The following PKN2 variants were observed in gnomAD, a reference collection of about 807,000 sequenced individuals.
PKN2 encodes serine/threonine-protein kinase N2.
Under a neutral mutation model 119.1 loss-of-function variants are expected in PKN2, and 38 were observed. That is an observed-to-expected ratio of 0.32 (90% CI 0.25 to 0.42). PKN2 has a LOEUF of 0.42. Ranked by LOEUF, PKN2 falls within the 10% of genes least tolerant of loss-of-function variation. The pLI is 1.00. For synonymous variants in PKN2, 390 were observed against 384.9 expected (o/e 1.01, Z -0.15); for missense variants, 850 against 1,165.1 (o/e 0.73, Z 3.94).
intron 6 of PKN2, among the ~76,000 whole-genome samples, chr1:88,778,120 C>T (rs1258310057): frequency 6.6e-6 from 1 of 152,216 alleles, no homozygotes; most frequent in Non-Finnish European, 1.5e-5. Context: ...GTACCTTTTA[C>T]ATGTATTGAT....
intron 1 of PKN2, among the ~76,000 whole-genome samples, chr1:88,705,494 A>G (rs1666940957): frequency 6.6e-6 from 1 of 151,732 alleles, no homozygotes; most frequent in African/African-American, 2.4e-5. Flanking sequence ...GGAGATCGAG[A>G]CCATCCTGCT....
intron 1 of PKN2, among the ~76,000 whole-genome samples, chr1:88,699,843 C>T (rs927168755): frequency 6.6e-5 from 10 of 151,708 alleles, no homozygotes; most frequent in African/African-American, 2.2e-4. Context: ...AATGCAGTGG[C>T]GCAATCTTTG....
intron 7 of PKN2, among the ~76,000 whole-genome samples, 168 bp from the exon 8 acceptor site, chr1:88,785,936 A>T (rs66686865): frequency 6.6e-6 from 1 of 152,178 alleles, no homozygotes. Flanking sequence ...TAGTAGGAGT[A>T]TATGTATCTG....
At chr1:88,695,529 AC>A (rs1399982548) in intron 1 of PKN2, among the ~76,000 whole-genome samples, 5 of 152,010 alleles carry the variant, frequency 3.3e-5, no homozygotes, top group Admixed American at 2.6e-4. Context: ...TGTGGCTCAA[AC>A]TTTTTATGTT....
rs1671609385 is a variant in PKN2 at position 88,807,774 on chromosome 1, A to G, written c.2101A>G (p.Ser701Gly). Residue 701 changes from serine (S) to glycine (G), a missense_variant and splice_region_variant, in exon 15 of 22, where the codon AGC (serine) becomes GGC (glycine). Physicochemically the swap from Ser to Gly is moderately conservative, Grantham distance 56. Around this residue, in one of 9 missense-constraint regions of PKN2, gnomAD observed 216 missense variants for 252.8 expected, o/e 0.85. Coordinates refer to ENST00000370521, the MANE Select transcript of PKN2 (RefSeq NM_006256.4). ...GDIVARDEVD[S>G]LMCEKRIFET... ...TATTGTGGCTCGAGATGAAGTAGAC[A>G]GGTTAGTTTTTAAAAATGAAATTGT... 1 of 1,537,808 alleles carries G rather than the reference A, an allele frequency of 6.5e-7. No homozygotes were observed.
chr1:88,735,602 A>AAC (rs1668308777), intron 1 of PKN2, among the ~76,000 whole-genome samples: 1 of 51,504 alleles, frequency 1.9e-5, no homozygotes, highest in Non-Finnish European at 3.9e-5. Flanking sequence ...TTGACAGCCC[A>AAC]CCCCCCCCCC....
Position 88,834,707 on chromosome 1 carries a change from A to T in PKN2, c.*1259A>T, listed in dbSNP as rs1672868399. 1 of 152,244 alleles carries T rather than the reference A, an allele frequency of 6.6e-6. No individual in the cohort carries two copies. The highest frequency in any genetic ancestry group is 6.6e-5 in the Admixed American group (1 of 15,242). 9.4% of individuals were successfully genotyped at this position (152,244 alleles called of 1,614,324 possible). A position where few individuals can be genotyped will look rare whatever the true frequency, so the allele number is the denominator to read the frequency against. On this transcript the variant is annotated 3_prime_UTR_variant, in exon 22 of 22. Coordinates refer to ENST00000370521, the MANE Select transcript of PKN2 (RefSeq NM_006256.4). ...AAAAGTCTCAAAAATAATTTGATGA[A>T]ATATTTTATACAACTCTTCAAAGGA...
chr1:88,763,424 A>G (rs1002290292), intron 3 of PKN2, among the ~76,000 whole-genome samples: 1 of 152,124 alleles, frequency 6.6e-6, no homozygotes, highest in Non-Finnish European at 1.5e-5. Context: ...CCTGACCAAC[A>G]TGGAGAAATC....
Position 88,835,820 on chromosome 1 carries a change from ATTC to A in PKN2, c.*2375_*2377del, listed in dbSNP as rs1672924070. ...GAAATTTGTAACTTTGGTTTTAAGT[ATTC>A]TTTCCTTTTAGAAACTTCCTAATGA... is the stretch of plus-strand genomic sequence containing the variant. On this transcript the variant is annotated 3_prime_UTR_variant, in exon 22 of 22. Coordinates refer to ENST00000370521, the MANE Select transcript of PKN2 (RefSeq NM_006256.4). The A allele has an allele frequency of 6.6e-6, 1 of 152,664 alleles. No individual in the cohort carries two copies. The highest frequency in any genetic ancestry group is 1.9e-4 in the East Asian group (1 of 5,192). The allele number at this position is 152,664 out of a possible 1,614,324, so 9.5% of individuals were successfully genotyped here.
intron 16 of PKN2, among the ~76,000 whole-genome samples, chr1:88,818,841 A>G (rs749053886): frequency 3.7e-4 from 57 of 152,242 alleles, no homozygotes; most frequent in Middle Eastern, 3.4e-3. Context: ...ATATAGACCA[A>G]TGGAACAGAA....
At chr1:88,795,470 T>C (rs1262357827) in intron 8 of PKN2, among the ~76,000 whole-genome samples, 1 of 152,218 alleles carries the variant, frequency 6.6e-6, no homozygotes, top group Non-Finnish European at 1.5e-5. Flanking sequence ...AAAAATAAGT[T>C]GTGTTCAGAA....
intron 18 of PKN2, among the ~76,000 whole-genome samples, chr1:88,826,841 T>C (rs910288743): frequency 6.6e-6 from 1 of 152,206 alleles, no homozygotes; most frequent in African/African-American, 2.4e-5. Context: ...AACTTTTTCC[T>C]AGTTTTCTCC....
chr1:88,771,323 T>G, intron 4 of PKN2, 98 bp from the exon 5 acceptor site: 4 of 799,052 alleles, frequency 5.0e-6, no homozygotes, highest in Non-Finnish European at 5.9e-6. Flanking sequence ...ACTAAGTTAT[T>G]GTAATGTTAT....
chr1:88,812,557 T>A (rs1671819492), intron 15 of PKN2, among the ~76,000 whole-genome samples: 1 of 152,064 alleles, frequency 6.6e-6, no homozygotes. Context: ...CTGGGCAACA[T>A]AGTGAGACCC....
At chr1:88,830,196 G>A (rs927398667) in intron 19 of PKN2, among the ~76,000 whole-genome samples, 7 of 152,110 alleles carry the variant, frequency 4.6e-5, no homozygotes, top group African/African-American at 1.4e-4. Flanking sequence ...TGGCTCCAGA[G>A]CATATCTAAA....
At chr1:88,702,431 AT>A (rs1348021276) in intron 1 of PKN2, among the ~76,000 whole-genome samples, 1 of 152,032 alleles carries the variant, frequency 6.6e-6, no homozygotes, top group East Asian at 1.9e-4. Context: ...TGTCCTTTTT[AT>A]TTTTTCATAC....
At chr1:88,790,627 G>A (rs761416938) in intron 8 of PKN2, among the ~76,000 whole-genome samples, 56 of 152,036 alleles carry the variant, frequency 3.7e-4, no homozygotes, top group Admixed American at 3.9e-4. Context: ...CCGGGATTCT[G>A]AAATTTCACA....
intron 3 of PKN2, among the ~76,000 whole-genome samples, chr1:88,769,755 A>G (rs1458255788): frequency 6.6e-6 from 1 of 152,226 alleles, no homozygotes; most frequent in African/African-American, 2.4e-5. Context: ...TGGAATCCAA[A>G]AAAAGCTGAA....
At chr1:88,734,867 A>T (rs988469509) in intron 1 of PKN2, among the ~76,000 whole-genome samples, 5 of 152,214 alleles carry the variant, frequency 3.3e-5, no homozygotes, top group Non-Finnish European at 5.9e-5. Context: ...ATAGGAAAAG[A>T]AAGAAAAAGC....
Sources: allele counts gnomAD v4.1 joint callset (sites outside exome capture counted in the v4.1 genomes callset), GRCh38; gene constraint gnomAD v4.1.1; regional missense constraint gnomAD v4.1.1; transcripts MANE v1.5; gene names NCBI Gene and HGNC (gene_info 2026-07-23, HGNC 2026-07-21).